Variants in PLEKHG3 observed in about 807,000 individuals in gnomAD.
PLEKHG3 encodes pleckstrin homology and RhoGEF domain containing G3.
Under a neutral mutation model 94.9 loss-of-function variants are expected in PLEKHG3, and 62 were observed. That is an observed-to-expected ratio of 0.65 (90% CI 0.53 to 0.81). The LOEUF is 0.81. Among genes scored for constraint, PLEKHG3 ranks in the 30% least tolerant of loss-of-function variants. PLEKHG3 has a pLI of 0.00. For synonymous variants in PLEKHG3, 614 were observed against 654.0 expected, an observed-to-expected ratio of 0.94 and a Z score of 0.93; for missense variants, 1,461 against 1,619.3, an observed-to-expected ratio of 0.90 and a Z score of 1.68.
Position 64,725,463 on chromosome 14 carries a change from G to T in PLEKHG3, c.-39-2130G>T, listed in dbSNP as rs992285486. Reference sequence around the variant, plus strand: ...ACAGGGCTGGGGGTTAAGGGCTGGGGTGGAGCTTGGGTTTTTATCTGTCAG... The same window carrying T: ...ACAGGGCTGGGGGTTAAGGGCTGGGTTGGAGCTTGGGTTTTTATCTGTCAG... On this transcript the variant is annotated intron_variant, in intron 1 of 16. Coordinates refer to ENST00000247226, the MANE Select transcript of PLEKHG3 (RefSeq NM_001308147.2). The surrounding 1 kb of genome is among the most constrained non-coding windows in gnomAD (Gnocchi z 5.0). Among the ~76,000 whole-genome samples the T allele has an allele frequency of 6.6e-6, 1 of 152,182 alleles. No individual in the cohort carries two copies. Among genetic ancestry groups the T allele is most frequent in the African/African-American group, 2.4e-5 (1 of 41,436 alleles).
In PLEKHG3 at chr14:64,732,255, G is replaced by T; in HGVS notation, c.1212+74G>T. ...GAGCCAGCTCTGCAAGGTCCATTGG[G>T]GGCTCACCTTCTGGATTTGGGCTCC... On this transcript the variant is annotated intron_variant, in intron 10 of 16. Transcript: ENST00000247226. This position sits in a 1 kb window ranked among gnomAD's most constrained non-coding sequence, Gnocchi z 4.9. 7.1e-7 allele frequency: 1 copy of T among 1,405,286 alleles called. No homozygotes were observed. The highest frequency in any genetic ancestry group is 1.4e-5 in the African/African-American group (1 of 70,918). The allele number at this position is 1,405,286 out of a possible 1,614,324, so 87.1% of individuals were successfully genotyped here.
At position 64,721,492 on chromosome 14, in the gene PLEKHG3, A is replaced by G. The variant is rs2081261333; in HGVS notation, c.-39-6101A>G. ...GTCCTGCTGCAAGGGACCCAGCCAGACTACATGGGCCCTGCTGCTCTTAGG... is the reference window on the plus strand; with the variant it reads ...GTCCTGCTGCAAGGGACCCAGCCAGGCTACATGGGCCCTGCTGCTCTTAGG... On this transcript the variant is annotated intron_variant, in intron 1 of 16. Coordinates refer to ENST00000247226, the MANE Select transcript of PLEKHG3 (RefSeq NM_001308147.2). The surrounding 1 kb of genome is among the most constrained non-coding windows in gnomAD (Gnocchi z 4.3). Among the ~76,000 whole-genome samples, 1 of 152,168 alleles carries G rather than the reference A, an allele frequency of 6.6e-6. No homozygotes were observed. The highest frequency in any genetic ancestry group is 6.5e-5 in the Admixed American group (1 of 15,284).
intron 1 of PLEKHG3, among the ~76,000 whole-genome samples, chr14:64,724,123 G>A (rs575243709): frequency 6.6e-6 from 1 of 151,924 alleles, no homozygotes; most frequent in Non-Finnish European, 1.5e-5. Flanking sequence ...GACCCCGCCC[G>A]GGGAGCACCA....
rs986264714 is a variant in PLEKHG3 at position 64,745,385 on chromosome 14, T to C, written c.*1682T>C. On this transcript the variant is annotated 3_prime_UTR_variant, in exon 17 of 17. Coordinates refer to ENST00000247226, the MANE Select transcript of PLEKHG3 (RefSeq NM_001308147.2). The surrounding 1 kb of genome is among the most constrained non-coding windows in gnomAD (Gnocchi z 5.0). ...GCAGGGCTGCTGGGTCAGGGCCCTG[T>C]GGGCCTTCTGACCCAACCTGAAGAT... is the stretch of plus-strand genomic sequence containing the variant. 1 of 152,230 alleles carries C rather than the reference T, an allele frequency of 6.6e-6. No homozygotes were observed. The highest frequency in any genetic ancestry group is 1.5e-5 in the Non-Finnish European group (1 of 68,050). The allele number at this position is 152,230 out of a possible 1,614,324, so 9.4% of individuals were successfully genotyped here.
In PLEKHG3 at chr14:64,737,347, T is replaced by C. The variant is rs774551373; in HGVS notation, c.1385-9T>C. ...CGTGTGCTGGGGGACCCGGTGGTGA[T>C]GTCTGCAGCCCGAGCAGCAGGAATG... On this transcript the variant is annotated splice_polypyrimidine_tract_variant and intron_variant, in intron 13 of 16. Transcript: ENST00000247226. 3 of 1,604,044 alleles carry C rather than the reference T, an allele frequency of 1.9e-6. No individual in the cohort carries two copies. Among genetic ancestry groups the C allele is most frequent in the South Asian group, 1.1e-5 (1 of 89,020 alleles).
At chr14:64,714,598 C>T (rs1352452674) in intron 1 of PLEKHG3, among the ~76,000 whole-genome samples, 1 of 152,202 alleles carries the variant, frequency 6.6e-6, no homozygotes, top group African/African-American at 2.4e-5. Context: ...TAGCACGTGG[C>T]ACATGGTTTA....
chr14:64,708,674 A>G (rs2081013101), intron 1 of PLEKHG3, among the ~76,000 whole-genome samples: 1 of 152,122 alleles, frequency 6.6e-6, no homozygotes, highest in Non-Finnish European at 1.5e-5. Context: ...ACGGGCCTAC[A>G]AAGGGAGGGG....
In PLEKHG3 at chr14:64,732,856, C is replaced by T. The variant is rs2081496282; in HGVS notation, c.1300C>T (p.Gln434Ter). The T allele has an allele frequency of 6.2e-7, 1 of 1,611,072 alleles. No individual in the cohort carries two copies. Among genetic ancestry groups the T allele is most frequent in the Non-Finnish European group, 8.5e-7 (1 of 1,179,108 alleles). Residue 434 changes from glutamine to a stop codon, truncating the protein, a stop_gained, in exon 12 of 17, where the codon CAG (glutamine) becomes TAG (stop). Transcript: ENST00000247226. LOFTEE classifies it high-confidence loss of function. The surrounding 1 kb of genome is among the most constrained non-coding windows in gnomAD (Gnocchi z 4.9). The part of the protein sequence containing the change: ...PERLKKAWSS[Q>*]DEVSTNVRQG... ...GCGGCTGAAGAAGGCTTGGTCCTCC[C>T]AGGATGAGGTGTCCACCAATGTGCG...
chr14:64,741,573 A>T lies in PLEKHG3; in HGVS notation c.2056A>T (p.Met686Leu), dbSNP rs1360156679. The part of the protein sequence containing the change: ...ATEDSPSVNG[M>L]EPPSPGCPVE... ...AGAGGACAGCCCTTCTGTCAATGGG[A>T]TGGAGCCCCCAAGCCCAGGCTGCCC... The change falls in exon 16 of 17, where the codon ATG becomes TTG. Residue 686 changes from methionine (M) to leucine (L), a missense_variant. By Grantham distance (15) the Met-to-Leu change is conservative. Around this residue, in one of 3 missense-constraint regions of PLEKHG3, gnomAD observed 1,201 missense variants for 1,295.5 expected, o/e 0.93. Coordinates refer to ENST00000247226, the MANE Select transcript of PLEKHG3 (RefSeq NM_001308147.2). The T allele has an allele frequency of 1.9e-6, 3 of 1,613,018 alleles. No homozygotes were observed. The South Asian group carries it at 3.3e-5, about 18-fold the overall frequency.
rs2081239223 is a variant in PLEKHG3, at chr14:64,720,226, C to T, written c.-39-7367C>T. Among the ~76,000 whole-genome samples, 1 of 152,226 alleles carries T rather than the reference C, an allele frequency of 6.6e-6. No individual in the cohort carries two copies. The highest frequency in any genetic ancestry group is 1.5e-5 in the Non-Finnish European group (1 of 68,042). On this transcript the variant is annotated intron_variant, in intron 1 of 16. Coordinates refer to ENST00000247226, the MANE Select transcript of PLEKHG3 (RefSeq NM_001308147.2). This position sits in a 1 kb window ranked among gnomAD's most constrained non-coding sequence, Gnocchi z 4.1. ...TCCCCTTCCTCCCAGTCTCTTGTGG[C>T]TGGTCACCTAGTATGTAGCCCAGCG...
At position 64,720,367 on chromosome 14, in the gene PLEKHG3, G is replaced by A. The variant is rs139923593; in HGVS notation, c.-39-7226G>A. On this transcript the variant is annotated intron_variant, in intron 1 of 16. Coordinates refer to ENST00000247226, the MANE Select transcript of PLEKHG3 (RefSeq NM_001308147.2). This position sits in a 1 kb window ranked among gnomAD's most constrained non-coding sequence, Gnocchi z 4.1. ...TTGGTTGATCGGAAACTTGCTGGCA[G>A]TGACTAATGTGGAGACTCATTAGGC... Among the ~76,000 whole-genome samples, 1 of 152,358 alleles carries A rather than the reference G, an allele frequency of 6.6e-6. No homozygotes were observed. The highest frequency in any genetic ancestry group is 1.9e-4 in the East Asian group (1 of 5,180).
At position 64,738,339 on chromosome 14, in the gene PLEKHG3, C is replaced by G. The variant is rs962577658; in HGVS notation, c.1405-403C>G. The G allele has an allele frequency of 1.9e-6, 1 of 525,276 alleles. No individual in the cohort carries two copies. Among genetic ancestry groups the G allele is most frequent in the Non-Finnish European group, 3.1e-6 (1 of 320,370 alleles). 32.5% of individuals were successfully genotyped at this position (525,276 alleles called of 1,614,324 possible). On this transcript the variant is annotated intron_variant, in intron 14 of 16. Coordinates refer to ENST00000247226, the MANE Select transcript of PLEKHG3 (RefSeq NM_001308147.2). The surrounding 1 kb of genome is among the most constrained non-coding windows in gnomAD (Gnocchi z 4.8). Reference sequence around the variant, plus strand: ...CCCACCCTGCCCTGGTTTTACTCCTCCCCTCAGCACTTAACACCATCGCTC... The same window carrying G: ...CCCACCCTGCCCTGGTTTTACTCCTGCCCTCAGCACTTAACACCATCGCTC...
In PLEKHG3 at chr14:64,749,064, G is replaced by A. The variant is rs1041739178; in HGVS notation, c.*5361G>A. 2.5e-5 allele frequency: 11 copies of A among 434,420 alleles called. No homozygotes were observed. Among genetic ancestry groups the A allele is most frequent in the African/African-American group, 6.5e-5 (3 of 46,026 alleles). The allele number at this position is 434,420 out of a possible 1,614,324, so 26.9% of individuals were successfully genotyped here. A position where few individuals can be genotyped will look rare whatever the true frequency, so the allele number is the denominator to read the frequency against. Reference sequence around the variant, plus strand: ...CCCCAGGCCTGGAGGCCCCAAAGGCGCCAGAGGAGCTGGGAGCCCCTGTCC... The same window carrying A: ...CCCCAGGCCTGGAGGCCCCAAAGGCACCAGAGGAGCTGGGAGCCCCTGTCC... On this transcript the variant is annotated 3_prime_UTR_variant, in exon 17 of 17. Coordinates refer to ENST00000247226, the MANE Select transcript of PLEKHG3 (RefSeq NM_001308147.2). The surrounding 1 kb of genome is among the most constrained non-coding windows in gnomAD (Gnocchi z 4.7).
At chr14:64,737,310 C>G in intron 13 of PLEKHG3, 46 bp from the exon 14 acceptor site, 11 of 1,543,066 alleles carry the variant, frequency 7.1e-6, no homozygotes, top group Non-Finnish European at 8.9e-6. Context: ...CTCCCCTCCC[C>G]TGCCCCTCGC....
Position 64,743,731 on chromosome 14 carries a change from A to G in PLEKHG3, c.*28A>G. The G allele has an allele frequency of 1.3e-6, 2 of 1,512,246 alleles. No homozygotes were observed. The highest frequency in any genetic ancestry group is 1.8e-6 in the Non-Finnish European group (2 of 1,135,236). 93.7% of individuals were successfully genotyped at this position (1,512,246 alleles called of 1,614,324 possible). A position where few individuals can be genotyped will look rare whatever the true frequency, so the allele number is the denominator to read the frequency against. On this transcript the variant is annotated 3_prime_UTR_variant, in exon 17 of 17. Coordinates refer to ENST00000247226, the MANE Select transcript of PLEKHG3 (RefSeq NM_001308147.2). This position sits in a 1 kb window ranked among gnomAD's most constrained non-coding sequence, Gnocchi z 7.2. ...CTGACTCCTGGGGGAGGGAGGAGTC[A>G]TGTTGGAGGTTGGGGAAGAACCTGG...
intron 14 of PLEKHG3, chr14:64,737,841 G>C: frequency 1.7e-6 from 2 of 1,153,956 alleles, no homozygotes; most frequent in Non-Finnish European, 2.2e-6. Flanking sequence ...TGGTCACGAG[G>C]GGGTCTTGTG....
Position 64,743,814 on chromosome 14 carries a change from C to A in PLEKHG3, c.*111C>A. On this transcript the variant is annotated 3_prime_UTR_variant, in exon 17 of 17. Coordinates refer to ENST00000247226, the MANE Select transcript of PLEKHG3 (RefSeq NM_001308147.2). The surrounding 1 kb of genome is among the most constrained non-coding windows in gnomAD (Gnocchi z 7.2). ...CCCCTGCCCAGGGCCCTCAGGTGGG[C>A]GGAAAGTCCATCCCCTCCGCCCTTC... 2 of 1,223,306 alleles carry A rather than the reference C, an allele frequency of 1.6e-6. No homozygotes were observed. The highest frequency in any genetic ancestry group is 2.2e-6 in the Non-Finnish European group (2 of 906,808). The allele number at this position is 1,223,306 out of a possible 1,614,324, so 75.8% of individuals were successfully genotyped here. A position where few individuals can be genotyped will look rare whatever the true frequency, so the allele number is the denominator to read the frequency against.
At position 64,728,912 on chromosome 14, in the gene PLEKHG3, C is replaced by T; in HGVS notation, c.352-84C>T. The T allele has an allele frequency of 1.7e-6, 1 of 588,572 alleles. No individual in the cohort carries two copies. The allele number at this position is 588,572 out of a possible 1,614,324, so 36.5% of individuals were successfully genotyped here. A position where few individuals can be genotyped will look rare whatever the true frequency, so the allele number is the denominator to read the frequency against. ...CAATGTCCGTGAAGTGGTGTTACAG[C>T]AGGGCCGAAACGAGGTGTGGCTAGG... On this transcript the variant is annotated intron_variant, in intron 2 of 16. Transcript: ENST00000247226. This position sits in a 1 kb window ranked among gnomAD's most constrained non-coding sequence, Gnocchi z 5.9.
chr14:64,717,112 C>CAT lies in PLEKHG3; in HGVS notation c.-39-10481_-39-10480insAT, dbSNP rs5809246. ...GGCTGGCCGCCTTTGGGAATTTACA[C>CAT]GTGTGTGTGTGTGTGTGTGTGTGTG... On this transcript the variant is annotated intron_variant, in intron 1 of 16. Coordinates refer to ENST00000247226, the MANE Select transcript of PLEKHG3 (RefSeq NM_001308147.2). This position sits in a 1 kb window ranked among gnomAD's most constrained non-coding sequence, Gnocchi z 4.7. Among the ~76,000 whole-genome samples, 1 of 144,270 alleles carries CAT rather than the reference C, an allele frequency of 6.9e-6. No individual in the cohort carries two copies. The highest frequency in any genetic ancestry group is 2.3e-4 in the South Asian group (1 of 4,350). 94.6% of individuals were successfully genotyped at this position (144,270 alleles called of 152,430 possible). A position where few individuals can be genotyped will look rare whatever the true frequency, so the allele number is the denominator to read the frequency against.
Sources: gnomAD v4.1 joint callset for allele counts (sites outside exome capture counted in the v4.1 genomes callset) on GRCh38, gnomAD v4.1.1 for gene constraint, gnomAD v4.1.1 regional missense constraint, Gnocchi (gnomAD v3.1) non-coding constraint, MANE v1.5 for transcripts, NCBI Gene and HGNC (gene_info 2026-07-23, HGNC 2026-07-21) for gene names.